The following STAU2 variants were observed in gnomAD, a reference collection of about 807,000 sequenced individuals.
STAU2 encodes double-stranded RNA-binding protein Staufen homolog 2.
In STAU2, 20 loss-of-function variants were observed where a neutral mutation model predicts 65.9. The observed-to-expected ratio is 0.30, with a 90% CI of 0.21 to 0.44. STAU2 has a LOEUF of 0.44. Ranked by LOEUF, STAU2 falls within the 20% of genes least tolerant of loss-of-function variation. The pLI is 1.00. For missense variants in STAU2, 558 were observed against 683.9 expected (o/e 0.82, Z 2.05); for synonymous variants, 232 against 233.9 (o/e 0.99, Z 0.07).
intron 13 of STAU2, among the ~76,000 whole-genome samples, chr8:73,506,904 G>A (rs571943169): frequency 7.9e-5 from 12 of 152,142 alleles, no homozygotes; most frequent in Admixed American, 1.3e-4. Flanking sequence ...AGTAGATTCC[G>A]TATGAAGAAA....
At chr8:73,679,358 C>G (rs1001553157) in intron 5 of STAU2, among the ~76,000 whole-genome samples, 25 of 152,162 alleles carry the variant, frequency 1.6e-4, no homozygotes, top group African/African-American at 5.8e-4. Context: ...AGAACCACCA[C>G]AAGAACATAC....
chr8:73,619,300 T>A (rs1344744516), intron 6 of STAU2, among the ~76,000 whole-genome samples: 1 of 152,164 alleles, frequency 6.6e-6, no homozygotes, highest in East Asian at 1.9e-4. Flanking sequence ...CTGAGAAATA[T>A]GACCACTGAA....
chr8:73,545,455 AT>A (rs1806841701), intron 13 of STAU2, among the ~76,000 whole-genome samples: 1 of 152,174 alleles, frequency 6.6e-6, no homozygotes, highest in Non-Finnish European at 1.5e-5. Flanking sequence ...TGATGTGACT[AT>A]ATTAAGATGG....
At chr8:73,447,387 G>A (rs1020635199) in intron 13 of STAU2, among the ~76,000 whole-genome samples, 10 of 151,924 alleles carry the variant, frequency 6.6e-5, no homozygotes, top group African/African-American at 2.2e-4. Context: ...TAAACAGCTC[G>A]ATCTCATTCT....
intron 5 of STAU2, among the ~76,000 whole-genome samples, chr8:73,684,209 C>T (rs12677150): frequency 0.28 from 41,987 of 151,872 alleles, 6,327 homozygotes; most frequent in East Asian, 0.46. Flanking sequence ...CTTCATACTA[C>T]ATTATAAGGC....
intron 13 of STAU2, among the ~76,000 whole-genome samples, chr8:73,505,890 A>G (rs1373580326): frequency 6.6e-6 from 1 of 152,014 alleles, no homozygotes; most frequent in East Asian, 1.9e-4. Context: ...GTGATAAGTG[A>G]GTTCTCACTC....
At chr8:73,519,959 C>A (rs1245841959) in intron 13 of STAU2, among the ~76,000 whole-genome samples, 1 of 152,154 alleles carries the variant, frequency 6.6e-6, no homozygotes, top group Non-Finnish European at 1.5e-5. Context: ...TTAACTCTCT[C>A]TTGGTTTGGG....
rs779460083 is a variant in STAU2 at position 73,420,439 on chromosome 8, G to A, written c.*933C>T. The A allele has an allele frequency of 2.4e-5, 7 of 287,152 alleles. No individual in the cohort carries two copies. Among genetic ancestry groups the A allele is most frequent in the Non-Finnish European group, 4.2e-5 (6 of 141,510 alleles). 17.8% of individuals were successfully genotyped at this position (287,152 alleles called of 1,614,324 possible). A position where few individuals can be genotyped will look rare whatever the true frequency, so the allele number is the denominator to read the frequency against. On this transcript the variant is annotated 3_prime_UTR_variant, in exon 15 of 15. Coordinates refer to ENST00000524300, the MANE Select transcript of STAU2 (RefSeq NM_001164380.2). ...GGATTCCAACATGCTGGCCCGGAGC[G>A]TGGCTGGCTGGAAGCAACTCCAACA... is the stretch of plus-strand genomic sequence containing the variant.
intron 13 of STAU2, among the ~76,000 whole-genome samples, chr8:73,477,376 C>A (rs1222806583): frequency 6.6e-6 from 1 of 152,004 alleles, no homozygotes; most frequent in East Asian, 1.9e-4. Flanking sequence ...CAAAAGAGAT[C>A]AAAATAGAAT....
chr8:73,594,171 G>A (rs908666296), intron 11 of STAU2, among the ~76,000 whole-genome samples: 4 of 152,036 alleles, frequency 2.6e-5, no homozygotes, highest in African/African-American at 9.7e-5. Flanking sequence ...TAGGTTTCAC[G>A]TTACAAATAC....
chr8:73,674,719 T>A (rs920973254), intron 5 of STAU2, among the ~76,000 whole-genome samples: 1 of 148,882 alleles, frequency 6.7e-6, no homozygotes, highest in Admixed American at 6.7e-5. Flanking sequence ...ATATATAAAA[T>A]ATACATAAAA....
intron 11 of STAU2, among the ~76,000 whole-genome samples, chr8:73,586,646 C>CAAAAAAAAAAAAAAAAAA (rs56687221): frequency 4.8e-5 from 3 of 62,734 alleles, no homozygotes; most frequent in African/African-American, 1.4e-4. Context: ...AAAAAAAATG[C>CAAAAAAAAAAAAAAAAAA]AAAAAAAAAA....
chr8:73,722,048 T>C (rs2130711861), intron 3 of STAU2, among the ~76,000 whole-genome samples: 1 of 152,310 alleles, frequency 6.6e-6, no homozygotes, highest in African/African-American at 2.4e-5. Flanking sequence ...GGCTTATTAG[T>C]TGTAACTCTC....
At chr8:73,626,048 G>C (rs1368176157) in intron 6 of STAU2, among the ~76,000 whole-genome samples, 1 of 149,982 alleles carries the variant, frequency 6.7e-6, no homozygotes. Context: ...CTGCCCTCAG[G>C]AAACTATCAA....
intron 6 of STAU2, among the ~76,000 whole-genome samples, chr8:73,655,701 T>G (rs1586205441): frequency 7.2e-6 from 1 of 138,598 alleles, no homozygotes; most frequent in Non-Finnish European, 1.5e-5. Context: ...CAGGCTGGAG[T>G]GCAGTGGCGC....
At chr8:73,470,431 GAAGA>G (rs1367705450) in intron 13 of STAU2, among the ~76,000 whole-genome samples, 2 of 152,170 alleles carry the variant, frequency 1.3e-5, no homozygotes, top group Middle Eastern at 3.2e-3. Flanking sequence ...TATCTGCACA[GAAGA>G]AAGGGATTAT....
chr8:73,540,801 G>A (rs1339713559), intron 13 of STAU2, among the ~76,000 whole-genome samples: 1 of 152,092 alleles, frequency 6.6e-6, no homozygotes, highest in African/African-American at 2.4e-5. Flanking sequence ...CAAAATGTAT[G>A]CAGTAAGAAT....
rs578168943 is a variant in STAU2, at chr8:73,468,980, A to T, written c.1531-46278T>A. 4.4e-3 allele frequency among the ~76,000 whole-genome samples: 675 copies of T among 152,118 alleles called. 7 individuals carry two copies. Among genetic ancestry groups the T allele is most frequent in the African/African-American group, 0.015 (629 of 41,480 alleles). On this transcript the variant is annotated intron_variant, in intron 13 of 14. Coordinates refer to ENST00000524300, the MANE Select transcript of STAU2 (RefSeq NM_001164380.2). ...GTATATACCCAAAGGATTATAAATC[A>T]TGCTGCTATAAAGACACATGCACAC...
chr8:73,654,664 A>AAAAAAAAAAAAAAAAAACAAGTC (rs1554556802), intron 6 of STAU2, among the ~76,000 whole-genome samples: 1 of 122,986 alleles, frequency 8.1e-6, no homozygotes. Flanking sequence ...AAAAAAAAGA[A>AAAAAAAAAAAAAAAAAACAAGTC]CTCTTTTAAT....
Sources: allele counts gnomAD v4.1 joint callset (sites outside exome capture counted in the v4.1 genomes callset), GRCh38; gene constraint gnomAD v4.1.1; transcripts MANE v1.5; gene names NCBI Gene and HGNC (gene_info 2026-07-23, HGNC 2026-07-21).